GCM1: variants seen among roughly 807,000 people sequenced by gnomAD.
The protein encoded by GCM1 is chorion-specific transcription factor GCMa.
A neutral mutation model predicts 25.7 loss-of-function variants in GCM1; 2 were observed. The ratio of observed to expected loss-of-function variants is 0.08; its 90% CI spans 0.03 to 0.24. The LOEUF is 0.24. Ranked by LOEUF, GCM1 falls within the 10% of genes least tolerant of loss-of-function variation. The pLI is 1.00. For synonymous variants in GCM1, 183 were observed against 195.7 expected, an observed-to-expected ratio of 0.94 and a Z score of 0.54; for missense variants, 395 against 538.7, an observed-to-expected ratio of 0.73 and a Z score of 2.64.
rs1274696108 is a variant in GCM1, at chr6:53,128,207, C to T, written c.1310G>A (p.Ter437=). 3.7e-6 allele frequency: 6 copies of T among 1,600,972 alleles called. No homozygotes were observed. In the East Asian group the frequency reaches 1.1e-4, roughly 30 times the overall value. Residue 437 remains the stop codon, a stop_retained_variant, in exon 6 of 6, where the codon TGA becomes TAA. Transcript: ENST00000259803. ...GGTGCACATAGTGAAAGATTTGGGT[C>T]ATCTCAAAGGACACAGGTTCAGAAG... The part of the protein sequence containing the change: ...DMLLNLCPLR[*]
At chr6:53,146,027 G>C (rs1763949644) in intron 1 of GCM1, among the ~76,000 whole-genome samples, 1 of 151,980 alleles carries the variant, frequency 6.6e-6, no homozygotes. Context: ...CCTTAGCAGA[G>C]ACAGTTGTCA....
At position 53,147,459 on chromosome 6, in the gene GCM1, A is replaced by ACT. The variant is rs1365222734; in HGVS notation, c.-137+1293_-137+1294dup. Reference sequence around the variant, plus strand: ...TTTTTTTTTTTTTTAATGGAGTCTTACTCTTATCACCCAGGCTGGAGTGCA... The same window carrying ACT: ...TTTTTTTTTTTTTTAATGGAGTCTTACTCTCTTATCACCCAGGCTGGAGTGCA... On this transcript the variant is annotated intron_variant, in intron 1 of 5. Transcript: ENST00000259803. Among the ~76,000 whole-genome samples the ACT allele has an allele frequency of 2.0e-3, 240 of 120,706 alleles. 5 individuals are homozygous for ACT. Among genetic ancestry groups the ACT allele is most frequent in the Non-Finnish European group, 4.8e-4 (28 of 58,684 alleles). The allele number at this position is 120,706 out of a possible 152,430, so 79.2% of individuals were successfully genotyped here.
In GCM1 at chr6:53,132,177, C is replaced by T; in HGVS notation, c.329-58G>A. On this transcript the variant is annotated intron_variant, in intron 3 of 5. Coordinates refer to ENST00000259803, the MANE Select transcript of GCM1 (RefSeq NM_003643.4). ...GGCTGAACCATGTCGGTTGTTGACT[C>T]CTGTGCAGTCTTGAAGATTTTAGCC... 1.1e-5 allele frequency: 12 copies of T among 1,068,692 alleles called. No individual in the cohort carries two copies. In the South Asian group the frequency reaches 1.5e-4, roughly 13 times the overall value. 66.2% of individuals were successfully genotyped at this position (1,068,692 alleles called of 1,614,324 possible). A position where few individuals can be genotyped will look rare whatever the true frequency, so the allele number is the denominator to read the frequency against.
At position 53,130,717 on chromosome 6, in the gene GCM1, T is replaced by C. The variant is rs539960257; in HGVS notation, c.570+86A>G. The C allele has an allele frequency of 7.9e-6, 9 of 1,143,380 alleles. No homozygotes were observed. The East Asian group carries it at 2.2e-4, about 28-fold the overall frequency. 70.8% of individuals were successfully genotyped at this position (1,143,380 alleles called of 1,614,324 possible). A position where few individuals can be genotyped will look rare whatever the true frequency, so the allele number is the denominator to read the frequency against. ...ATCCATGATTTCTGGCTTTCCTGCG[T>C]CAGCAAGGGACCCAGGAAATCTACC... On this transcript the variant is annotated intron_variant, in intron 5 of 5. Transcript: ENST00000259803.
At chr6:53,141,091 A>C (rs1420169180) in intron 2 of GCM1, among the ~76,000 whole-genome samples, 1 of 152,078 alleles carries the variant, frequency 6.6e-6, no homozygotes, top group Admixed American at 6.5e-5. Context: ...CACTCCTTTC[A>C]AACTCCTCTA....
intron 2 of GCM1, among the ~76,000 whole-genome samples, chr6:53,144,658 C>T (rs1562091842): frequency 6.6e-6 from 1 of 151,046 alleles, no homozygotes; most frequent in Non-Finnish European, 1.5e-5. Context: ...CAAAAATTAG[C>T]TGGGTGTGCC....
intron 5 of GCM1, among the ~76,000 whole-genome samples, chr6:53,129,418 C>T (rs1581848387): frequency 6.6e-6 from 1 of 151,968 alleles, no homozygotes; most frequent in African/African-American, 2.4e-5. Context: ...GGATTACAGG[C>T]GCCTGCCACC....
At chr6:53,131,583 C>G (rs772642450) in intron 4 of GCM1, among the ~76,000 whole-genome samples, 6 of 152,236 alleles carry the variant, frequency 3.9e-5, no homozygotes, top group Non-Finnish European at 4.4e-5. Flanking sequence ...TTCTTCACCA[C>G]TGTTGGTGCC....
chr6:53,142,602 T>TC (rs1763891134), intron 2 of GCM1, among the ~76,000 whole-genome samples: 2 of 152,170 alleles, frequency 1.3e-5, no homozygotes, highest in Admixed American at 1.3e-4. Context: ...GAATTCCTAT[T>TC]TTCATTCTAC....
At chr6:53,141,368 T>C (rs1238153913) in intron 2 of GCM1, among the ~76,000 whole-genome samples, 1 of 152,190 alleles carries the variant, frequency 6.6e-6, no homozygotes, top group Admixed American at 6.5e-5. Flanking sequence ...GACCAGAAGA[T>C]GCAACTGGTA....
intron 3 of GCM1, 115 bp from the exon 4 acceptor site, chr6:53,132,234 G>T: frequency 1.4e-6 from 1 of 712,044 alleles, no homozygotes. Context: ...ATAAATCTGG[G>T]CAGAGTTTCA....
At chr6:53,138,746 T>A (rs1341330941) in intron 2 of GCM1, among the ~76,000 whole-genome samples, 1 of 152,226 alleles carries the variant, frequency 6.6e-6, no homozygotes, top group Non-Finnish European at 1.5e-5. Context: ...AATTTGTATT[T>A]GATTATCTCC....
At position 53,128,835 on chromosome 6, in the gene GCM1, G is replaced by T; in HGVS notation, c.682C>A (p.Gln228Lys). ...YSGHLIANTP[Q>K]QNSLNDCFSF... ...AAGCAATCATTTAGTGAGTTCTGCTGAGGAGTGTTAGCTATTAAATGTCCA... is the reference window on the plus strand; with the variant it reads ...AAGCAATCATTTAGTGAGTTCTGCTTAGGAGTGTTAGCTATTAAATGTCCA... The change falls in exon 6 of 6, where the codon CAG becomes AAG. Residue 228 changes from glutamine to lysine, a missense_variant. By Grantham distance (53) the Gln-to-Lys change is moderately conservative. Coordinates refer to ENST00000259803, the MANE Select transcript of GCM1 (RefSeq NM_003643.4). 1 of 1,613,502 alleles carries T rather than the reference G, an allele frequency of 6.2e-7. No homozygotes were observed. Among genetic ancestry groups the T allele is most frequent in the Non-Finnish European group, 8.5e-7 (1 of 1,179,388 alleles).
At chr6:53,145,878 ATAC>A in intron 1 of GCM1, 110 bp from the exon 2 acceptor site, 1 of 428,926 alleles carries the variant, frequency 2.3e-6, no homozygotes. Context: ...AAGTACCAAC[ATAC>A]TAGTAAAAAA....
intron 3 of GCM1, 152 bp downstream of exon 3, chr6:53,133,920 C>T: frequency 4.0e-6 from 3 of 744,542 alleles, no homozygotes; most frequent in Non-Finnish European, 6.6e-6. Flanking sequence ...GTTGGTTCCG[C>T]TCCATATGCT....
intron 3 of GCM1, 100 bp from the exon 4 acceptor site, chr6:53,132,219 A>C: frequency 2.6e-6 from 2 of 774,550 alleles, no homozygotes; most frequent in Non-Finnish European, 4.6e-6. Context: ...CAAGGACGGC[A>C]GAGTATAAAT....
chr6:53,129,098 G>T, intron 5 of GCM1, 152 bp from the exon 6 acceptor site: 1 of 629,266 alleles, frequency 1.6e-6, no homozygotes, highest in Non-Finnish European at 2.7e-6. Flanking sequence ...CACATGCAGC[G>T]GCTTGACCAC....
intron 2 of GCM1, among the ~76,000 whole-genome samples, chr6:53,136,665 C>A (rs1433891020): frequency 6.6e-6 from 1 of 152,092 alleles, no homozygotes; most frequent in Non-Finnish European, 1.5e-5. Flanking sequence ...CCTTGCCAAG[C>A]CAAATGCAAG....
intron 5 of GCM1, 136 bp from the exon 6 acceptor site, chr6:53,129,082 C>A: frequency 1.5e-6 from 1 of 677,442 alleles, no homozygotes. Context: ...ATACTTGACG[C>A]ACAAACACAT....
Sources: gnomAD v4.1 joint callset for allele counts (sites outside exome capture counted in the v4.1 genomes callset) on GRCh38, gnomAD v4.1.1 for gene constraint, MANE v1.5 for transcripts, NCBI Gene and HGNC (gene_info 2026-07-23, HGNC 2026-07-21) for gene names.